Variants in ARHGEF7 observed in about 807,000 individuals in gnomAD.
The protein encoded by ARHGEF7 is PAK-interacting exchange factor beta.
In ARHGEF7, 33 loss-of-function variants were observed where a neutral mutation model predicts 109.8. The observed-to-expected ratio is 0.30, with a 90% CI of 0.23 to 0.40. The LOEUF (loss-of-function observed/expected upper bound fraction) is 0.40. ARHGEF7 is among the 10% of genes least tolerant of loss of function. The probability of loss-of-function intolerance (pLI) is 1.00; values close to 1 mark genes in which losing one functional copy is unlikely to be tolerated. For synonymous variants in ARHGEF7, 458 were observed against 424.6 expected (o/e 1.08, Z -0.97); for missense variants, 938 against 1,098.5 (o/e 0.85, Z 2.07).
intron 8 of ARHGEF7, among the ~76,000 whole-genome samples, chr13:111,252,534 C>T (rs908802486): frequency 2.0e-5 from 3 of 152,222 alleles, no homozygotes; most frequent in Non-Finnish European, 4.4e-5. Flanking sequence ...CAGAAGAGAG[C>T]TGTAGAAGAA....
At chr13:111,282,675 T>G (rs1254157884) in intron 15 of ARHGEF7, among the ~76,000 whole-genome samples, 1 of 152,186 alleles carries the variant, frequency 6.6e-6, no homozygotes, top group African/African-American at 2.4e-5. Flanking sequence ...AAAACAAAAC[T>G]AGGCGATCAG....
chr13:111,138,038 G>T (rs1413159738), intron 1 of ARHGEF7, among the ~76,000 whole-genome samples: 2 of 152,214 alleles, frequency 1.3e-5, no homozygotes, highest in Non-Finnish European at 2.9e-5. Flanking sequence ...CTGGGGCCAG[G>T]CACGGTGGCT....
At chr13:111,128,707 C>G (rs1211519423) in intron 1 of ARHGEF7, among the ~76,000 whole-genome samples, 1 of 152,122 alleles carries the variant, frequency 6.6e-6, no homozygotes. Flanking sequence ...AAAACATGTA[C>G]ACTCTCAGCA....
chr13:111,294,045 G>T, intron 19 of ARHGEF7: 2 of 985,406 alleles, frequency 2.0e-6, no homozygotes, highest in Non-Finnish European at 2.4e-6. Context: ...TCACACCATT[G>T]GAAGATTTTG....
intron 2 of ARHGEF7, among the ~76,000 whole-genome samples, chr13:111,160,070 G>A (rs1050571659): frequency 1.5e-4 from 23 of 152,150 alleles, no homozygotes; most frequent in African/African-American, 5.1e-4. Context: ...TTTTCTGCAT[G>A]TGGATATCCA....
At chr13:111,264,021 G>T (rs1281916382) in intron 8 of ARHGEF7, among the ~76,000 whole-genome samples, 2 of 152,022 alleles carry the variant, frequency 1.3e-5, no homozygotes, top group African/African-American at 2.4e-5. Context: ...CCCTGCAAAT[G>T]GACAGAACTG....
At chr13:111,196,435 T>G (rs1171578001) in intron 2 of ARHGEF7, among the ~76,000 whole-genome samples, 1 of 152,228 alleles carries the variant, frequency 6.6e-6, no homozygotes, top group Non-Finnish European at 1.5e-5. Flanking sequence ...GATCTAACAA[T>G]AGCATGACAT....
chr13:111,283,441 C>T lies in ARHGEF7; in HGVS notation c.1950+78C>T, dbSNP rs533393517. On this transcript the variant is annotated intron_variant, in intron 16 of 21. Coordinates refer to ENST00000646102, the MANE Select transcript of ARHGEF7 (RefSeq NM_001354046.2). ...CCCTGGGTGTGCCCACGTGCTGGGC[C>T]TTCTGTGTACAGCAAAATGCACCCT... 4.7e-6 allele frequency: 7 copies of T among 1,494,010 alleles called. No homozygotes were observed. The South Asian group carries it at 9.1e-5, about 20-fold the overall frequency. The allele number at this position is 1,494,010 out of a possible 1,614,324, so 92.5% of individuals were successfully genotyped here.
intron 1 of ARHGEF7, among the ~76,000 whole-genome samples, chr13:111,150,739 G>A (rs551474216): frequency 2.6e-5 from 4 of 152,296 alleles, no homozygotes; most frequent in South Asian, 4.1e-4. Context: ...AAGTTCCCTC[G>A]TGTAGTGTGC....
intron 2 of ARHGEF7, 44 bp downstream of exon 2, chr13:111,154,035 G>GA: frequency 1.9e-6 from 3 of 1,564,962 alleles, no homozygotes; most frequent in Non-Finnish European, 2.6e-6. Context: ...CCGGGAAGAC[G>GA]GGGTTGGGCC....
intron 3 of ARHGEF7, among the ~76,000 whole-genome samples, chr13:111,208,185 C>T (rs770681402): frequency 4.6e-5 from 7 of 152,188 alleles, no homozygotes; most frequent in Admixed American, 1.3e-4. Flanking sequence ...GGATTACAGA[C>T]ACGTGGCACC....
Position 111,244,214 on chromosome 13 carries a change from C to T in ARHGEF7, c.870C>T (p.Asn290=), listed in dbSNP as rs746665081. Residue 290 remains asparagine, a synonymous_variant, in exon 8 of 22, where the codon AAC becomes AAT. Coordinates refer to ENST00000646102, the MANE Select transcript of ARHGEF7 (RefSeq NM_001354046.2). The part of the protein sequence containing the change: ...LQTSEKLSSA[N]ISYLMGNLEE... ...TTGGCTCTAGGTTAAGTTCAGCAAA[C>T]ATTTCATATTTAATGGGAAATCTAG... 6.2e-7 allele frequency: 1 copy of T among 1,606,316 alleles called. No homozygotes were observed. The highest frequency in any genetic ancestry group is 1.3e-5 in the African/African-American group (1 of 74,732).
At chr13:111,223,592 A>G (rs536624822) in intron 5 of ARHGEF7, among the ~76,000 whole-genome samples, 1 of 152,070 alleles carries the variant, frequency 6.6e-6, no homozygotes, top group Non-Finnish European at 1.5e-5. Flanking sequence ...GTGGTCGGAG[A>G]TGGAATTGTT....
At chr13:111,154,396 G>A (rs2076135669) in intron 2 of ARHGEF7, among the ~76,000 whole-genome samples, 1 of 152,200 alleles carries the variant, frequency 6.6e-6, no homozygotes, top group African/African-American at 2.4e-5. Context: ...CTAGGTCTGG[G>A]TCAGGCCTTA....
At chr13:111,251,879 T>C (rs2089826404) in intron 8 of ARHGEF7, among the ~76,000 whole-genome samples, 1 of 152,198 alleles carries the variant, frequency 6.6e-6, no homozygotes, top group South Asian at 2.1e-4. Flanking sequence ...ATGCATTCAT[T>C]CTGTTTTTGT....
chr13:111,124,034 A>C (rs1462062653), intron 1 of ARHGEF7, among the ~76,000 whole-genome samples: 2 of 147,620 alleles, frequency 1.4e-5, no homozygotes, highest in African/African-American at 5.0e-5. Flanking sequence ...TACTTTGGCT[A>C]TTTTTTTTTT....
intron 1 of ARHGEF7, among the ~76,000 whole-genome samples, chr13:111,122,331 C>T (rs1350189188): frequency 1.3e-5 from 2 of 152,240 alleles, no homozygotes; most frequent in African/African-American, 4.8e-5. Context: ...CCTGCCCCAC[C>T]TGGTGTCTGC....
At chr13:111,152,091 C>CTTGCCAAAAAAGAGTG (rs1297488888) in intron 1 of ARHGEF7, among the ~76,000 whole-genome samples, 3 of 152,050 alleles carry the variant, frequency 2.0e-5, no homozygotes, top group African/African-American at 7.2e-5. Flanking sequence ...GTAGAGGTTA[C>CTTGCCAAAAAAGAGTG]TTGCCAAAAA....
At chr13:111,199,565 A>G (rs1226379665) in intron 2 of ARHGEF7, among the ~76,000 whole-genome samples, 5 of 152,170 alleles carry the variant, frequency 3.3e-5, no homozygotes, top group Non-Finnish European at 4.4e-5. Flanking sequence ...GCCGAGCCCC[A>G]TCTTCCTCAT....
Sources: allele counts gnomAD v4.1 joint callset (sites outside exome capture counted in the v4.1 genomes callset), GRCh38; gene constraint gnomAD v4.1.1; transcripts MANE v1.5; gene names NCBI Gene and HGNC (gene_info 2026-07-23, HGNC 2026-07-21).